The following EXD3 variants were observed in gnomAD, a reference collection of about 807,000 sequenced individuals.
EXD3 encodes the protein exonuclease mut-7 homolog.
EXD3 carries 92 observed loss-of-function variants against 98.0 expected under a neutral mutation model. The observed-to-expected ratio is 0.94, with a 90% CI of 0.79 to 1.12. EXD3 has a LOEUF of 1.12. Among genes scored for constraint, EXD3 ranks in the 50% most tolerant of loss-of-function variants. The pLI is 0.00. For synonymous variants in EXD3, 569 were observed against 526.0 expected (o/e 1.08, Z -1.12); for missense variants, 1,222 against 1,191.6 (o/e 1.03, Z -0.38).
In EXD3 at chr9:137,405,858, G is replaced by A. The variant is rs1837689013; in HGVS notation, c.-47-10454C>T. On this transcript the variant is annotated intron_variant, in intron 1 of 21. Transcript: ENST00000340951. This position sits in a 1 kb window ranked among gnomAD's most constrained non-coding sequence, Gnocchi z 4.1. Reference sequence around the variant, plus strand: ...TGCCCTGGAACCCTTGGTGGGACCCGCTGCCCACAGACACCTTGCCCGTGC... The same window carrying A: ...TGCCCTGGAACCCTTGGTGGGACCCACTGCCCACAGACACCTTGCCCGTGC... 6.6e-6 allele frequency among the ~76,000 whole-genome samples: 1 copy of A among 152,336 alleles called. No individual in the cohort carries two copies. The highest frequency in any genetic ancestry group is 6.5e-5 in the Admixed American group (1 of 15,300).
At chr9:137,354,208 T>A in intron 10 of EXD3, 131 bp downstream of exon 10, 1 of 1,473,410 alleles carries the variant, frequency 6.8e-7, no homozygotes. Context: ...CGCCCCAACA[T>A]GGGGTCTGGG....
intron 2 of EXD3, among the ~76,000 whole-genome samples, chr9:137,387,683 G>A (rs1836674853): frequency 6.6e-6 from 1 of 152,182 alleles, no homozygotes; most frequent in African/African-American, 2.4e-5. Context: ...GCAGGGGCAC[G>A]GGGTCCGAGA....
chr9:137,316,074 G>C (rs1831636226), intron 19 of EXD3, among the ~76,000 whole-genome samples: 1 of 104,906 alleles, frequency 9.5e-6, no homozygotes. Context: ...CCCAGCTCTC[G>C]TTCCCTCCCC....
chr9:137,373,670 CAG>C (rs1835755548), intron 3 of EXD3, 71 bp from the exon 4 acceptor site: 1 of 1,441,112 alleles, frequency 6.9e-7, no homozygotes, highest in Non-Finnish European at 9.2e-7. Context: ...CTCCCCACCG[CAG>C]AGAGGTTTTT....
chr9:137,416,816 G>A (rs1012571377), intron 1 of EXD3, among the ~76,000 whole-genome samples: 10 of 152,134 alleles, frequency 6.6e-5, no homozygotes, highest in African/African-American at 2.2e-4. Flanking sequence ...AGCTCGCAGG[G>A]GTGCTCTTGG....
intron 1 of EXD3, among the ~76,000 whole-genome samples, chr9:137,411,074 G>A (rs1411892247): frequency 1.3e-5 from 2 of 152,244 alleles, no homozygotes; most frequent in Non-Finnish European, 2.9e-5. Context: ...GGTGGGCATA[G>A]GCTGGCACCT....
At position 137,348,111 on chromosome 9, in the gene EXD3, C is replaced by A; in HGVS notation, c.1958G>T (p.Arg653Leu). 2 of 1,612,092 alleles carry A rather than the reference C, an allele frequency of 1.2e-6. No individual in the cohort carries two copies. The highest frequency in any genetic ancestry group is 1.7e-6 in the Non-Finnish European group (2 of 1,179,712). The change falls in exon 17 of 22, where the codon CGC becomes CTC. Residue 653 changes from arginine to leucine, a missense_variant. By Grantham distance (102) the Arg-to-Leu change is moderately radical. Transcript: ENST00000340951. ...RSLRCLGVDA[R>L]MLGNGEDHRR... ...GTGGTCTTCACCATTGCCCAGCATG[C>A]GTGCATCCACACCGAGACAGCGGAG... is the stretch of plus-strand genomic sequence containing the variant.
At chr9:137,379,779 CG>C (rs139205404) in intron 3 of EXD3, among the ~76,000 whole-genome samples, 2 of 152,080 alleles carry the variant, frequency 1.3e-5, no homozygotes, top group East Asian at 3.9e-4. Flanking sequence ...CTGTCACCCC[CG>C]GAGTTCTGCA....
At chr9:137,348,273 A>C (rs1588312134) in intron 16 of EXD3, 35 bp from the exon 17 acceptor site, 2 of 1,591,058 alleles carry the variant, frequency 1.3e-6, no homozygotes. Flanking sequence ...TCCCACGGTC[A>C]CCCCCCAGCC....
rs572761419 is a variant in EXD3 at position 137,354,297 on chromosome 9, C to A, written c.870+42G>T. 2.5e-4 allele frequency: 406 copies of A among 1,608,364 alleles called. 4 individuals are homozygous for A. Among genetic ancestry groups the A allele is most frequent in the Non-Finnish European group, 2.5e-5 (30 of 1,178,182 alleles). ...GGGCCTGTGCCCCTAGGACAGCCGCCCAGGCCGCCCTGCCGGCTTACAGGC... is the reference window on the plus strand; with the variant it reads ...GGGCCTGTGCCCCTAGGACAGCCGCACAGGCCGCCCTGCCGGCTTACAGGC... On this transcript the variant is annotated intron_variant, in intron 10 of 21. Transcript: ENST00000340951.
intron 19 of EXD3, among the ~76,000 whole-genome samples, chr9:137,321,247 C>T (rs1039335198): frequency 6.6e-6 from 1 of 152,240 alleles, no homozygotes; most frequent in Non-Finnish European, 1.5e-5. Context: ...TGTTTCTGCT[C>T]AGCCAGGTGG....
At chr9:137,316,550 C>T (rs1041981019) in intron 19 of EXD3, among the ~76,000 whole-genome samples, 2 of 152,250 alleles carry the variant, frequency 1.3e-5, no homozygotes, top group African/African-American at 4.8e-5. Context: ...ACCCTCGCAG[C>T]TCCCAGTGCC....
Position 137,351,545 on chromosome 9 carries a change from G to A in EXD3, c.1174-17C>T. 5 of 1,566,104 alleles carry A rather than the reference G, an allele frequency of 3.2e-6. No homozygotes were observed. Among genetic ancestry groups the A allele is most frequent in the Non-Finnish European group, 4.3e-6 (5 of 1,156,326 alleles). ...TTGGTGGCACTGCGGGCAGAGAGGG[G>A]CAGATGTGATCATCAGGGCCAACTT... On this transcript the variant is annotated splice_polypyrimidine_tract_variant and intron_variant, in intron 12 of 21. Transcript: ENST00000340951.
Position 137,393,211 on chromosome 9 carries a change from A to G in EXD3, c.55+2092T>C. On this transcript the variant is annotated intron_variant, in intron 2 of 21. Transcript: ENST00000340951. The surrounding 1 kb of genome is among the most constrained non-coding windows in gnomAD (Gnocchi z 4.6). ...ACATCCCACTCTGCTTAGGTGGAGA[A>G]GAGGCTGTAGAAGCCTGTGGGTGCC... 1.4e-6 allele frequency: 1 copy of G among 702,682 alleles called. No homozygotes were observed. The allele number at this position is 702,682 out of a possible 1,614,324, so 43.5% of individuals were successfully genotyped here. A position where few individuals can be genotyped will look rare whatever the true frequency, so the allele number is the denominator to read the frequency against.
Position 137,360,649 on chromosome 9 carries a change from C to T in EXD3, c.657-4281G>A, listed in dbSNP as rs1323697728. Among the ~76,000 whole-genome samples the T allele has an allele frequency of 7.2e-5, 6 of 83,408 alleles. 3 individuals carry two copies. The highest frequency in any genetic ancestry group is 5.8e-5 in the Non-Finnish European group (2 of 34,360). The allele number at this position is 83,408 out of a possible 152,430, so 54.7% of individuals were successfully genotyped here. On this transcript the variant is annotated intron_variant, in intron 7 of 21. Transcript: ENST00000340951. ...CTAATTTTTGTATTTTTAGTAGAGA[C>T]GAGATTTCACCATGTTTGCTAGGCT... is the stretch of plus-strand genomic sequence containing the variant.
chr9:137,338,022 C>T (rs1383164431), intron 17 of EXD3, among the ~76,000 whole-genome samples: 3 of 152,224 alleles, frequency 2.0e-5, no homozygotes, highest in Middle Eastern at 3.4e-3. Context: ...CTCCTGACCT[C>T]GTGATCTGCC....
At chr9:137,367,808 GC>G (rs1296489700) in intron 6 of EXD3, 127 bp downstream of exon 6, 11 of 880,482 alleles carry the variant, frequency 1.2e-5, no homozygotes, top group Non-Finnish European at 8.8e-6. Flanking sequence ...GCCCTCGCCG[GC>G]CCCCGATGGC....
intron 10 of EXD3, chr9:137,353,881 G>A (rs747972218): frequency 2.5e-5 from 25 of 989,614 alleles, no homozygotes; most frequent in African/African-American, 3.5e-5. Flanking sequence ...CTTCCCCGGC[G>A]TGGGTTCCCA....
chr9:137,378,666 A>G (rs540457796), intron 3 of EXD3, among the ~76,000 whole-genome samples: 1 of 152,338 alleles, frequency 6.6e-6, no homozygotes, highest in South Asian at 2.1e-4. Flanking sequence ...TTACTCAGCC[A>G]CGGAAAAGGA....
Sources: allele counts gnomAD v4.1 joint callset (sites outside exome capture counted in the v4.1 genomes callset), GRCh38; gene constraint gnomAD v4.1.1; non-coding constraint Gnocchi (gnomAD v3.1); transcripts MANE v1.5; gene names NCBI Gene and HGNC (gene_info 2026-07-23, HGNC 2026-07-21).